The following RBMS1 variants were observed in gnomAD, a reference collection of about 807,000 sequenced individuals.
The protein encoded by RBMS1 is RNA-binding motif, single-stranded-interacting protein 1.
A neutral mutation model predicts 62.3 loss-of-function variants in RBMS1; 17 were observed. The ratio of observed to expected loss-of-function variants is 0.27; its 90% CI spans 0.19 to 0.41. The LOEUF is 0.41. Among genes scored for constraint, RBMS1 ranks in the 10% least tolerant of loss-of-function variants. The pLI is 1.00. For missense variants in RBMS1, 334 were observed against 504.5 expected (o/e 0.66, Z 3.24); for synonymous variants, 172 against 170.0 (o/e 1.01, Z -0.09).
intron 1 of RBMS1, among the ~76,000 whole-genome samples, chr2:160,491,213 T>C (rs1400945344): frequency 1.3e-5 from 2 of 152,188 alleles, no homozygotes; most frequent in African/African-American, 2.4e-5. Context: ...ATCAAGATAC[T>C]TGTACAACAG....
chr2:160,280,952 G>A (rs1246003373), intron 10 of RBMS1, among the ~76,000 whole-genome samples: 2 of 151,980 alleles, frequency 1.3e-5, no homozygotes, highest in South Asian at 4.1e-4. Flanking sequence ...TCTTCATCTC[G>A]GTTTTGAACT....
At chr2:160,434,534 ACAG>A (rs760318942) in intron 1 of RBMS1, among the ~76,000 whole-genome samples, 5 of 152,104 alleles carry the variant, frequency 3.3e-5, no homozygotes, top group Non-Finnish European at 5.9e-5. Flanking sequence ...GAAGTCTCTA[ACAG>A]TGCTATCCAT....
At chr2:160,441,787 A>G (rs1683420393) in intron 1 of RBMS1, among the ~76,000 whole-genome samples, 1 of 152,236 alleles carries the variant, frequency 6.6e-6, no homozygotes. Context: ...ACTATGATTA[A>G]GAATACCAAG....
At chr2:160,310,607 G>A (rs1446868776) in intron 4 of RBMS1, among the ~76,000 whole-genome samples, 6 of 152,184 alleles carry the variant, frequency 3.9e-5, no homozygotes, top group African/African-American at 4.8e-5. Flanking sequence ...TGCAGAAGTC[G>A]TGAGACTTGC....
At chr2:160,449,275 G>GGCTGGGAAGTGAGGAGCCCC (rs1559564368) in intron 1 of RBMS1, among the ~76,000 whole-genome samples, 1 of 151,836 alleles carries the variant, frequency 6.6e-6, no homozygotes, top group Non-Finnish European at 1.5e-5. Flanking sequence ...CAGCCGCCCC[G>GGCTGGGAAGTGAGGAGCCCC]TCTGGGAAGT....
At chr2:160,461,049 G>A (rs985465260) in intron 1 of RBMS1, among the ~76,000 whole-genome samples, 10 of 152,144 alleles carry the variant, frequency 6.6e-5, no homozygotes, top group East Asian at 1.9e-4. Context: ...ACTTAAAGCC[G>A]GTAGTTTGAG....
At chr2:160,318,900 C>A (rs1038074759) in intron 2 of RBMS1, among the ~76,000 whole-genome samples, 1 of 151,992 alleles carries the variant, frequency 6.6e-6, no homozygotes, top group East Asian at 1.9e-4. Flanking sequence ...GTCTAAGAAA[C>A]GGACAATCAA....
At chr2:160,367,847 T>TA (rs1470366879) in intron 1 of RBMS1, among the ~76,000 whole-genome samples, 2 of 152,032 alleles carry the variant, frequency 1.3e-5, no homozygotes, top group Non-Finnish European at 2.9e-5. Flanking sequence ...ACAAGAAAGT[T>TA]AGAGTTTAAT....
chr2:160,414,394 A>G (rs979726680), intron 1 of RBMS1, among the ~76,000 whole-genome samples: 7 of 152,094 alleles, frequency 4.6e-5, no homozygotes, highest in African/African-American at 1.2e-4. Flanking sequence ...AGGATGGCTG[A>G]GATGGTGGTT....
At chr2:160,330,613 AAT>A (rs982642291) in intron 2 of RBMS1, among the ~76,000 whole-genome samples, 10 of 147,630 alleles carry the variant, frequency 6.8e-5, no homozygotes, top group Non-Finnish European at 1.5e-4. Flanking sequence ...TTCACATGAA[AAT>A]ATGTTTTTTT....
intron 1 of RBMS1, among the ~76,000 whole-genome samples, chr2:160,421,150 T>C (rs1696407780): frequency 6.6e-6 from 1 of 151,828 alleles, no homozygotes; most frequent in Non-Finnish European, 1.5e-5. Context: ...TTTTCTTTTT[T>C]TTTTTATTAT....
chr2:160,476,167 C>T (rs192084813), intron 1 of RBMS1, among the ~76,000 whole-genome samples: 68 of 152,182 alleles, frequency 4.5e-4, no homozygotes, highest in African/African-American at 1.5e-3. Flanking sequence ...CACCGCCTCC[C>T]TTTTCTATAC....
intron 2 of RBMS1, among the ~76,000 whole-genome samples, chr2:160,329,448 G>A (rs968017600): frequency 2.0e-5 from 3 of 152,098 alleles, no homozygotes; most frequent in African/African-American, 7.2e-5. Flanking sequence ...TTTCTTACTG[G>A]TTTGTCTGCA....
chr2:160,324,894 A>C (rs1231084940), intron 2 of RBMS1, among the ~76,000 whole-genome samples: 1 of 105,932 alleles, frequency 9.4e-6, no homozygotes, highest in Non-Finnish European at 2.0e-5. Context: ...ATATATATAT[A>C]TATATATATA....
intron 5 of RBMS1, among the ~76,000 whole-genome samples, chr2:160,301,168 A>G (rs1022091036): frequency 6.6e-6 from 1 of 152,218 alleles, no homozygotes; most frequent in Admixed American, 6.5e-5. Flanking sequence ...ATGACAGACT[A>G]AAAAGTCATG....
intron 1 of RBMS1, among the ~76,000 whole-genome samples, chr2:160,406,141 A>G (rs1695691895): frequency 1.3e-5 from 2 of 152,222 alleles, no homozygotes; most frequent in Non-Finnish European, 2.9e-5. Flanking sequence ...ACCCAGGTAA[A>G]AGTTCCATGG....
intron 1 of RBMS1, among the ~76,000 whole-genome samples, chr2:160,389,085 G>C (rs1025845046): frequency 2.0e-5 from 3 of 152,196 alleles, no homozygotes; most frequent in Non-Finnish European, 1.5e-5. Context: ...AGAAAGGGTG[G>C]AGCACCTCTA....
rs569580064 is a variant in RBMS1 at position 160,465,888 on chromosome 2, A to ACACACACACACACACACT, written c.75+27400_75+27401insAGTGTGTGTGTGTGTGTG. On this transcript the variant is annotated intron_variant, in intron 1 of 13. Transcript: ENST00000348849. ...CATACACACACACACACACACACAC[A>ACACACACACACACACACT]CTCTCACATTTCTAGAATTTCAATC... Among the ~76,000 whole-genome samples the ACACACACACACACACACT allele has an allele frequency of 6.8e-3, 986 of 145,348 alleles. 13 individuals carry two copies. The highest frequency in any genetic ancestry group is 0.014 in the Admixed American group (209 of 14,526).
At chr2:160,365,759 T>C (rs1245715598) in intron 2 of RBMS1, among the ~76,000 whole-genome samples, 1 of 152,340 alleles carries the variant, frequency 6.6e-6, no homozygotes, top group East Asian at 1.9e-4. Flanking sequence ...TTTTAGTTCC[T>C]TAGACTTTAT....
Sources: allele counts gnomAD v4.1 joint callset (sites outside exome capture counted in the v4.1 genomes callset), GRCh38; gene constraint gnomAD v4.1.1; transcripts MANE v1.5; gene names NCBI Gene and HGNC (gene_info 2026-07-23, HGNC 2026-07-21).